Variants in PMFBP1 observed in about 807,000 individuals in gnomAD.
PMFBP1 encodes the protein polyamine modulated factor 1 binding protein 1, also known as polyamine-modulated factor 1-binding protein 1.
PMFBP1 carries 131 observed loss-of-function variants against 137.8 expected under a neutral mutation model. The ratio of observed to expected loss-of-function variants is 0.95; its 90% CI spans 0.82 to 1.10. PMFBP1 has a LOEUF of 1.10. PMFBP1 is among the 50% of genes least tolerant of loss of function. PMFBP1 has a pLI of 0.00. For synonymous variants in PMFBP1, 490 were observed against 450.4 expected (o/e 1.09, Z -1.11); for missense variants, 1,199 against 1,175.4 (o/e 1.02, Z -0.29).
the PMFBP1 span, among the ~76,000 whole-genome samples, chr16:72,226,797 A>G: frequency 6.6e-6 from 1 of 151,512 alleles, no homozygotes; most frequent in African/African-American, 2.5e-5. Context: ...CAGTCTCGCC[A>G]CAACATGTCA....
chr16:72,168,755 T>A (rs954945023), intron 2 of PMFBP1, among the ~76,000 whole-genome samples: 2 of 152,224 alleles, frequency 1.3e-5, no homozygotes, highest in Admixed American at 1.3e-4. Flanking sequence ...TTGAAACATA[T>A]GACAGCAGCA....
the PMFBP1 span, among the ~76,000 whole-genome samples, chr16:72,221,488 A>C: frequency 1.3e-5 from 2 of 152,226 alleles, no homozygotes; most frequent in African/African-American, 4.8e-5. Flanking sequence ...ATGTCTGTCA[A>C]GCGGAACTTG....
At chr16:72,164,544 G>T in intron 3 of PMFBP1, 1 of 1,328,474 alleles carries the variant, frequency 7.5e-7, no homozygotes, top group Non-Finnish European at 1.0e-6. Context: ...GGATGTACAT[G>T]ACCTTGGAGA....
At chr16:72,160,552 T>C (rs1173534759) in intron 3 of PMFBP1, among the ~76,000 whole-genome samples, 2 of 152,208 alleles carry the variant, frequency 1.3e-5, no homozygotes, top group Admixed American at 6.5e-5. Flanking sequence ...TAGGTTGGCA[T>C]TGTTCTGATA....
At chr16:72,140,613 T>C in intron 5 of PMFBP1, 31 bp from the exon 6 acceptor site, 1 of 1,592,124 alleles carries the variant, frequency 6.3e-7, no homozygotes. Context: ...GGGTTGATTT[T>C]GCTTATAGTT....
chr16:72,172,032 G>A (rs924872866), intron 1 of PMFBP1, 22 bp downstream of exon 1: 11 of 152,136 alleles, frequency 7.2e-5, no homozygotes, highest in African/African-American at 2.4e-4. Flanking sequence ...TAAGAATAGA[G>A]GAATTTCCAC....
chr16:72,147,741 A>G (rs559112578), intron 5 of PMFBP1, among the ~76,000 whole-genome samples: 1 of 152,362 alleles, frequency 6.6e-6, no homozygotes, highest in South Asian at 2.1e-4. Context: ...AAAAGAAGAC[A>G]TTTATGCAGC....
the PMFBP1 span, among the ~76,000 whole-genome samples, chr16:72,213,603 G>T: frequency 6.6e-6 from 1 of 152,168 alleles, no homozygotes; most frequent in Non-Finnish European, 1.5e-5. Flanking sequence ...CACCTTAATC[G>T]CATCCTTGTG....
chr16:72,166,503 A>G (rs751498441), intron 2 of PMFBP1, among the ~76,000 whole-genome samples: 1 of 152,156 alleles, frequency 6.6e-6, no homozygotes, highest in Non-Finnish European at 1.5e-5. Flanking sequence ...TACAGTACCT[A>G]TCTCTTAGGT....
the PMFBP1 span, among the ~76,000 whole-genome samples, chr16:72,210,642 C>T: frequency 6.6e-6 from 1 of 152,196 alleles, no homozygotes; most frequent in Non-Finnish European, 1.5e-5. Flanking sequence ...AATTAAACAG[C>T]TGCCACATTT....
chr16:72,182,460 C>T, the PMFBP1 span, among the ~76,000 whole-genome samples: 1 of 142,534 alleles, frequency 7.0e-6, no homozygotes, highest in Admixed American at 7.3e-5. Flanking sequence ...CATACCATTG[C>T]ACTCCAGCCT....
At chr16:72,122,037 C>T (rs2042384053) in intron 19 of PMFBP1, among the ~76,000 whole-genome samples, 1 of 152,086 alleles carries the variant, frequency 6.6e-6, no homozygotes, top group Admixed American at 6.5e-5. Flanking sequence ...GTTTGCTCCT[C>T]TCCCTCCTCC....
Position 72,125,406 on chromosome 16 carries a change from C to A in PMFBP1, c.2254-1G>T. ...TTGTCTCTGAGGTCACGTGATTGAGCTTCCGGAAAAGACAAAGAGGACGAA... is the reference window on the plus strand; with the variant it reads ...TTGTCTCTGAGGTCACGTGATTGAGATTCCGGAAAAGACAAAGAGGACGAA... On this transcript the variant is annotated splice_acceptor_variant, in intron 15 of 20. Transcript: ENST00000237353. LOFTEE classifies it high-confidence loss of function. 6.2e-7 allele frequency: 1 copy of A among 1,608,254 alleles called. No individual in the cohort carries two copies. Among genetic ancestry groups the A allele is most frequent in the South Asian group, 1.1e-5 (1 of 90,240 alleles).
intron 1 of PMFBP1, chr16:72,171,582 T>G (rs2043220965): frequency 7.8e-6 from 2 of 257,806 alleles, no homozygotes; most frequent in Non-Finnish European, 1.5e-5. Flanking sequence ...ACTCTATGGC[T>G]CAGATATAGC....
the PMFBP1 span, among the ~76,000 whole-genome samples, chr16:72,203,138 C>T: frequency 3.3e-5 from 5 of 152,184 alleles, no homozygotes; most frequent in Admixed American, 6.5e-5. Context: ...AAAGAGGTTG[C>T]CCAGTTCTGG....
the PMFBP1 span, among the ~76,000 whole-genome samples, chr16:72,237,013 A>T: frequency 6.6e-6 from 1 of 152,160 alleles, no homozygotes; most frequent in Non-Finnish European, 1.5e-5. Flanking sequence ...AACTCAAAAC[A>T]CTGGATCTCA....
At chr16:72,244,935 G>T in the PMFBP1 span, among the ~76,000 whole-genome samples, 16 of 152,138 alleles carry the variant, frequency 1.1e-4, no homozygotes, top group Non-Finnish European at 5.9e-5. Flanking sequence ...AAGGGGCCCC[G>T]CTGCGTGATG....
the PMFBP1 span, among the ~76,000 whole-genome samples, chr16:72,216,176 C>T: frequency 1.3e-5 from 2 of 151,998 alleles, no homozygotes; most frequent in Non-Finnish European, 2.9e-5. Context: ...TGAGGAAACC[C>T]CAGGGGACAT....
chr16:72,199,032 G>A, the PMFBP1 span, among the ~76,000 whole-genome samples: 4 of 152,198 alleles, frequency 2.6e-5, no homozygotes, highest in African/African-American at 7.2e-5. Flanking sequence ...TGCCAAATGA[G>A]GCTTTGTTTT....
Sources: allele counts gnomAD v4.1 joint callset (sites outside exome capture counted in the v4.1 genomes callset), GRCh38; gene constraint gnomAD v4.1.1; transcripts MANE v1.5; gene names NCBI Gene and HGNC (gene_info 2026-07-23, HGNC 2026-07-21).